Variants in HS6ST3 observed in about 807,000 individuals in gnomAD.
The protein encoded by HS6ST3 is heparan-sulfate 6-O-sulfotransferase 3.
HS6ST3 carries 12 observed loss-of-function variants against 36.7 expected under a neutral mutation model. The observed-to-expected ratio is 0.33, with a 90% CI of 0.21 to 0.53. HS6ST3 has a LOEUF of 0.53. Ranked by LOEUF, HS6ST3 falls within the 20% of genes least tolerant of loss-of-function variation. The pLI, the probability that HS6ST3 is intolerant of heterozygous loss-of-function variation, is 0.95. For synonymous variants in HS6ST3, 240 were observed against 257.5 expected, an observed-to-expected ratio of 0.93 and a Z score of 0.65; for missense variants, 584 against 640.9, an observed-to-expected ratio of 0.91 and a Z score of 0.96.
chr13:96,510,200 T>C (rs1186779534), intron 1 of HS6ST3, among the ~76,000 whole-genome samples: 1 of 152,090 alleles, frequency 6.6e-6, no homozygotes, highest in Non-Finnish European at 1.5e-5. Flanking sequence ...TGGTCATTGA[T>C]GTATAGCAGT....
At chr13:96,563,394 A>C (rs2056269731) in intron 1 of HS6ST3, among the ~76,000 whole-genome samples, 1 of 152,216 alleles carries the variant, frequency 6.6e-6, no homozygotes, top group Non-Finnish European at 1.5e-5. Context: ...ACAGAGTAGC[A>C]GGATTTGTTT....
intron 1 of HS6ST3, among the ~76,000 whole-genome samples, chr13:96,381,493 G>A (rs966251899): frequency 2.0e-5 from 3 of 150,976 alleles, no homozygotes; most frequent in Admixed American, 6.6e-5. Context: ...TGCAGACTCT[G>A]GGTCCATCAC....
chr13:96,321,228 G>T (rs1244328255), intron 1 of HS6ST3, among the ~76,000 whole-genome samples: 2 of 151,994 alleles, frequency 1.3e-5, no homozygotes, highest in East Asian at 1.9e-4. Flanking sequence ...CATGCTGTTA[G>T]ACTAAGTCAC....
At chr13:96,322,756 C>T (rs578185775) in intron 1 of HS6ST3, among the ~76,000 whole-genome samples, 1 of 152,104 alleles carries the variant, frequency 6.6e-6, no homozygotes, top group South Asian at 2.1e-4. Context: ...TTCATGAACC[C>T]GTTATAATCA....
At chr13:96,554,895 A>G (rs542709269) in intron 1 of HS6ST3, among the ~76,000 whole-genome samples, 1 of 151,918 alleles carries the variant, frequency 6.6e-6, no homozygotes, top group Admixed American at 6.6e-5. Context: ...CAAGTGATCC[A>G]TGGCAAAACC....
intron 1 of HS6ST3, among the ~76,000 whole-genome samples, chr13:96,651,793 G>T (rs1250326506): frequency 6.6e-6 from 1 of 151,822 alleles, no homozygotes; most frequent in Admixed American, 6.6e-5. Context: ...AAGTTCATTT[G>T]GACTCCAGAA....
At chr13:96,384,238 A>ATTTAT (rs553208205) in intron 1 of HS6ST3, among the ~76,000 whole-genome samples, 83 of 152,144 alleles carry the variant, frequency 5.5e-4, no homozygotes, top group African/African-American at 1.7e-3. Flanking sequence ...ATAAAATCAC[A>ATTTAT]TTTATTTTAT....
At chr13:96,183,246 C>T (rs1281371153) in intron 1 of HS6ST3, among the ~76,000 whole-genome samples, 1 of 151,952 alleles carries the variant, frequency 6.6e-6, no homozygotes, top group Non-Finnish European at 1.5e-5. Context: ...TTCTCCTTTA[C>T]TGTTATCTAA....
chr13:96,417,559 C>T lies in HS6ST3; in HGVS notation c.707+325990C>T, dbSNP rs887897903. 3.4e-5 allele frequency among the ~76,000 whole-genome samples: 5 copies of T among 148,386 alleles called. No homozygotes were observed. The South Asian group carries it at 1.1e-3, about 32-fold the overall frequency. ...TGGTTTACCATTATCTATAGAGGGC[C>T]CAGCATGGTGAAAAAAAATAGCATA... On this transcript the variant is annotated intron_variant, in intron 1 of 1. Transcript: ENST00000376705.
chr13:96,433,106 T>G (rs1403155990), intron 1 of HS6ST3, among the ~76,000 whole-genome samples: 1 of 152,202 alleles, frequency 6.6e-6, no homozygotes, highest in Non-Finnish European at 1.5e-5. Flanking sequence ...TCTCACTCTG[T>G]GTTCTTTGTT....
intron 1 of HS6ST3, among the ~76,000 whole-genome samples, chr13:96,494,410 G>C (rs972697948): frequency 2.7e-5 from 3 of 109,898 alleles, no homozygotes; most frequent in Non-Finnish European, 5.3e-5. Flanking sequence ...GGGGAGGGGG[G>C]AGGGATAGCA....
chr13:96,239,043 C>T (rs1052563638), intron 1 of HS6ST3, among the ~76,000 whole-genome samples: 1 of 152,138 alleles, frequency 6.6e-6, no homozygotes, highest in African/African-American at 2.4e-5. Flanking sequence ...ATGATATGGA[C>T]TGAGGAAGGA....
chr13:96,480,541 C>T (rs146352500), intron 1 of HS6ST3, among the ~76,000 whole-genome samples: 166 of 152,200 alleles, frequency 1.1e-3, no homozygotes, highest in African/African-American at 3.9e-3. Context: ...TTTCCAAACT[C>T]TAGGCTGCTG....
chr13:96,491,192 A>C (rs2055943483), intron 1 of HS6ST3, among the ~76,000 whole-genome samples: 3 of 151,176 alleles, frequency 2.0e-5, no homozygotes, highest in African/African-American at 7.4e-5. Context: ...GAATTATCTC[A>C]TTATTTTTTG....
rs1190519454 is a variant in HS6ST3 at position 96,663,052 on chromosome 13, G to T, written c.708-169438G>T. On this transcript the variant is annotated intron_variant, in intron 1 of 1. Coordinates refer to ENST00000376705, the MANE Select transcript of HS6ST3 (RefSeq NM_153456.4). ...TTTAGCTGGGAGAGGGGACAAAACT[G>T]GGAAAAGCTGGACCGCTGTGCTCAC... 2.0e-5 allele frequency among the ~76,000 whole-genome samples: 3 copies of T among 152,088 alleles called. No homozygotes were observed. The East Asian group carries it at 5.8e-4, about 29-fold the overall frequency.
At chr13:96,583,394 A>G (rs1449177519) in intron 1 of HS6ST3, among the ~76,000 whole-genome samples, 1 of 150,860 alleles carries the variant, frequency 6.6e-6, no homozygotes, top group Non-Finnish European at 1.5e-5. Flanking sequence ...TTGTATTTTT[A>G]GTAGAGGCAG....
rs146872956 is a variant in HS6ST3, at chr13:96,249,231, A to T, written c.707+157662A>T. Among the ~76,000 whole-genome samples the T allele has an allele frequency of 3.3e-5, 5 of 152,306 alleles. No individual in the cohort carries two copies. The East Asian group carries it at 9.6e-4, about 29-fold the overall frequency. On this transcript the variant is annotated intron_variant, in intron 1 of 1. Coordinates refer to ENST00000376705, the MANE Select transcript of HS6ST3 (RefSeq NM_153456.4). ...GTGTCCCAGTGCTACTTCAAATATA[A>T]CATAGTAGGGAGGAAATACATTATC... is the stretch of plus-strand genomic sequence containing the variant.
intron 1 of HS6ST3, among the ~76,000 whole-genome samples, chr13:96,583,867 A>G (rs889995977): frequency 3.3e-5 from 5 of 152,114 alleles, no homozygotes; most frequent in Non-Finnish European, 7.4e-5. Context: ...TGGATTGTCT[A>G]ATTCTTTGTG....
intron 1 of HS6ST3, among the ~76,000 whole-genome samples, chr13:96,733,037 G>A (rs1876199920): frequency 6.6e-6 from 1 of 152,100 alleles, no homozygotes; most frequent in Admixed American, 6.6e-5. Flanking sequence ...GCATTTTGGT[G>A]GAACCTTTAG....
Sources: allele counts gnomAD v4.1 joint callset (sites outside exome capture counted in the v4.1 genomes callset), GRCh38; gene constraint gnomAD v4.1.1; transcripts MANE v1.5; gene names NCBI Gene and HGNC (gene_info 2026-07-23, HGNC 2026-07-21).